Variants in RSPH14 observed in about 807,000 individuals in gnomAD.
RSPH14 encodes the protein rhabdoid tumor deletion region gene 1.
Under a neutral mutation model 26.7 loss-of-function variants are expected in RSPH14, and 20 were observed. The ratio of observed to expected loss-of-function variants is 0.75; its 90% confidence interval spans 0.53 to 1.09. RSPH14 has a LOEUF of 1.09. Among genes scored for constraint, RSPH14 ranks in the 50% least tolerant of loss-of-function variants. The pLI, the probability that RSPH14 is intolerant of heterozygous loss-of-function variation, is 0.00. For synonymous variants in RSPH14, 177 were observed against 189.3 expected, an observed-to-expected ratio of 0.93 and a Z score of 0.53; for missense variants, 449 against 457.2, an observed-to-expected ratio of 0.98 and a Z score of 0.16.
At chr22:23,066,546 GAGA>G (rs897498682) in intron 4 of RSPH14, among the ~76,000 whole-genome samples, 6 of 152,182 alleles carry the variant, frequency 3.9e-5, no homozygotes, top group African/African-American at 1.4e-4. Flanking sequence ...GAGACAGAGG[GAGA>G]AGATTAAAAA....
intron 5 of RSPH14, among the ~76,000 whole-genome samples, chr22:23,063,351 C>G (rs1244473206): frequency 6.6e-6 from 1 of 152,158 alleles, no homozygotes; most frequent in African/African-American, 2.4e-5. Context: ...GTTCGGTGAC[C>G]AGCCTGTCCT....
chr22:23,108,593 A>G (rs533996583), intron 4 of RSPH14, among the ~76,000 whole-genome samples: 2 of 152,252 alleles, frequency 1.3e-5, no homozygotes, highest in Non-Finnish European at 2.9e-5. Context: ...CTGAGGAGAC[A>G]TGACCATGGT....
the RSPH14 span, chr22:23,152,523 A>G: frequency 6.2e-7 from 1 of 1,614,106 alleles, no homozygotes. Flanking sequence ...AGCCTCATCC[A>G]CAGGTACAAG....
chr22:23,142,300 A>G (rs2070619392), upstream of RSPH14, among the ~76,000 whole-genome samples: 1 of 152,310 alleles, frequency 6.6e-6, no homozygotes, highest in South Asian at 2.1e-4. Context: ...CAAGAACCTC[A>G]GAGAAGTTCA....
At chr22:23,150,168 G>T in the RSPH14 span, 45 of 1,598,472 alleles carry the variant, frequency 2.8e-5, no homozygotes, top group Non-Finnish European at 3.8e-5. Flanking sequence ...AGCCTGCAGG[G>T]TGTGGGATGG....
At chr22:23,082,663 A>T (rs1601765353) in intron 4 of RSPH14, among the ~76,000 whole-genome samples, 1 of 151,680 alleles carries the variant, frequency 6.6e-6, no homozygotes, top group East Asian at 1.9e-4. Flanking sequence ...ACACTGCAGA[A>T]CTCCCACGGC....
chr22:23,074,859 T>C (rs2068472586), intron 4 of RSPH14, among the ~76,000 whole-genome samples: 1 of 152,052 alleles, frequency 6.6e-6, no homozygotes, highest in South Asian at 2.1e-4. Context: ...CACATGATTT[T>C]GGGGGCCCCC....
At chr22:23,101,161 G>A (rs1209204173) in intron 4 of RSPH14, among the ~76,000 whole-genome samples, 1 of 152,150 alleles carries the variant, frequency 6.6e-6, no homozygotes, top group Admixed American at 6.5e-5. Flanking sequence ...ATTGAGAAGG[G>A]ACCTTATATA....
At chr22:23,111,059 G>A (rs2069638707) in intron 4 of RSPH14, among the ~76,000 whole-genome samples, 2 of 152,204 alleles carry the variant, frequency 1.3e-5, no homozygotes, top group African/African-American at 2.4e-5. Flanking sequence ...TCCAGCAGGC[G>A]ATCATCATTT....
At chr22:23,149,946 G>A (rs2071006422), upstream of RSPH14, 3 of 783,820 alleles carry the variant, frequency 3.8e-6, no homozygotes, top group Non-Finnish European at 4.4e-6. Context: ...TAATGAGGCT[G>A]CCAGCTGTGA....
At chr22:23,114,851 G>A (rs1357744460) in intron 4 of RSPH14, among the ~76,000 whole-genome samples, 1 of 152,172 alleles carries the variant, frequency 6.6e-6, no homozygotes, top group Non-Finnish European at 1.5e-5. Context: ...AAGGCTGTCT[G>A]CTTGCCTCCA....
At chr22:23,063,603 G>C (rs1418244782) in intron 5 of RSPH14, among the ~76,000 whole-genome samples, 1 of 152,160 alleles carries the variant, frequency 6.6e-6, no homozygotes, top group Middle Eastern at 3.2e-3. Flanking sequence ...GTGACCGCTG[G>C]GTGTCATGAT....
At chr22:23,157,857 G>A in the RSPH14 span, 2 of 1,549,820 alleles carry the variant, frequency 1.3e-6, no homozygotes, top group Non-Finnish European at 1.7e-6. Context: ...AGCCTTCATT[G>A]TAGGAGGTTC....
chr22:23,068,067 G>A (rs760296824), intron 4 of RSPH14, among the ~76,000 whole-genome samples: 12 of 152,184 alleles, frequency 7.9e-5, no homozygotes, highest in Non-Finnish European at 1.3e-4. Context: ...TTAGGCCAAC[G>A]TCCCTGATCC....
chr22:23,138,831 GCAT>G lies in RSPH14; in HGVS notation c.302+6_302+8del, dbSNP rs2070530775. The G allele has an allele frequency of 3.9e-6, 6 of 1,549,730 alleles. No individual in the cohort carries two copies. The highest frequency in any genetic ancestry group is 5.2e-6 in the Non-Finnish European group (6 of 1,145,972). On this transcript the variant is annotated splice_donor_region_variant and intron_variant, in intron 3 of 6. Transcript: ENST00000216036. ...AAGCGTCACACTGGTTTCCAGAACA[GCAT>G]CCCACCTGCCCACGCTATGGCTTGC...
chr22:23,155,681 A>G, the RSPH14 span, among the ~76,000 whole-genome samples: 1 of 152,308 alleles, frequency 6.6e-6, no homozygotes, highest in African/African-American at 2.4e-5. Context: ...TTAATGTCTC[A>G]GTCAGAAGGG....
intron 4 of RSPH14, among the ~76,000 whole-genome samples, chr22:23,083,351 G>A (rs1444178859): frequency 6.6e-6 from 1 of 152,130 alleles, no homozygotes; most frequent in Non-Finnish European, 1.5e-5. Context: ...GAGGCCATGG[G>A]TCAGCAGCGA....
Position 23,066,329 on chromosome 22 carries a change from G to A in RSPH14, c.422-2196C>T, listed in dbSNP as rs1316869498. ...TATAGAAGGAGTTGAGGTCAGAAAAGTCAACATTCAAGGTGATCACCTCCA... is the reference window on the plus strand; with the variant it reads ...TATAGAAGGAGTTGAGGTCAGAAAAATCAACATTCAAGGTGATCACCTCCA... On this transcript the variant is annotated intron_variant, in intron 4 of 6. Coordinates refer to ENST00000216036, the MANE Select transcript of RSPH14 (RefSeq NM_014433.3). 2.0e-5 allele frequency among the ~76,000 whole-genome samples: 3 copies of A among 152,282 alleles called. 1 individual carries two copies. The highest frequency in any genetic ancestry group is 7.2e-5 in the African/African-American group (3 of 41,546).
chr22:23,128,298 C>T (rs953425515), intron 4 of RSPH14, among the ~76,000 whole-genome samples: 2 of 152,286 alleles, frequency 1.3e-5, no homozygotes, highest in East Asian at 1.9e-4. Flanking sequence ...TGATGGTCAC[C>T]GATAGGGACA....
Sources: allele counts gnomAD v4.1 joint callset (sites outside exome capture counted in the v4.1 genomes callset), GRCh38; gene constraint gnomAD v4.1.1; transcripts MANE v1.5; gene names NCBI Gene and HGNC (gene_info 2026-07-23, HGNC 2026-07-21).